Variants in OPCML observed in about 807,000 individuals in gnomAD.
OPCML encodes opioid binding protein/cell adhesion molecule like.
Under a neutral mutation model 37.8 loss-of-function variants are expected in OPCML, and 13 were observed. That is an observed-to-expected ratio of 0.34 (90% CI 0.22 to 0.55). The LOEUF is 0.55. Among genes scored for constraint, OPCML ranks in the 20% least tolerant of loss-of-function variants. The pLI is 0.91. For missense variants in OPCML, 341 were observed against 435.6 expected (o/e 0.78, Z 1.93); for synonymous variants, 176 against 168.8 (o/e 1.04, Z -0.33).
At chr11:133,155,119 G>A (rs185495543) in intron 1 of OPCML, among the ~76,000 whole-genome samples, 1 of 152,278 alleles carries the variant, frequency 6.6e-6, no homozygotes, top group Admixed American at 6.5e-5. Flanking sequence ...ACTGGAGGAG[G>A]AGGAGGAAAT....
chr11:133,364,086 G>A (rs191773881), intron 1 of OPCML, among the ~76,000 whole-genome samples: 1 of 152,238 alleles, frequency 6.6e-6, no homozygotes, highest in African/African-American at 2.4e-5. Flanking sequence ...CAGCTCCAAC[G>A]TCCCCTTTTC....
intron 1 of OPCML, among the ~76,000 whole-genome samples, chr11:133,147,470 C>T (rs149674630): frequency 2.6e-5 from 4 of 152,236 alleles, no homozygotes; most frequent in African/African-American, 9.6e-5. Context: ...CAGGAAGACT[C>T]TACCCTCTGA....
At chr11:133,102,562 C>T (rs1438468027) in intron 1 of OPCML, among the ~76,000 whole-genome samples, 1 of 152,116 alleles carries the variant, frequency 6.6e-6, no homozygotes, top group Non-Finnish European at 1.5e-5. Context: ...TCCTAGCTAA[C>T]ATGGTGAAAC....
chr11:132,911,694 G>A (rs943666753), intron 2 of OPCML, among the ~76,000 whole-genome samples: 3 of 152,186 alleles, frequency 2.0e-5, no homozygotes, highest in South Asian at 2.1e-4. Flanking sequence ...AGCCTCTTTA[G>A]CACAAGGCCA....
chr11:133,388,698 T>G (rs1462855976), intron 1 of OPCML, among the ~76,000 whole-genome samples: 1 of 152,200 alleles, frequency 6.6e-6, no homozygotes, highest in African/African-American at 2.4e-5. Flanking sequence ...TTTCAGTGAA[T>G]TCCATTGCCC....
At chr11:132,428,538 G>A (rs1285276151) in intron 7 of OPCML, among the ~76,000 whole-genome samples, 1 of 152,192 alleles carries the variant, frequency 6.6e-6, no homozygotes, top group Non-Finnish European at 1.5e-5. Context: ...GGGCATCATT[G>A]AGCAGAGTCC....
intron 2 of OPCML, among the ~76,000 whole-genome samples, chr11:132,768,161 C>T (rs952396524): frequency 7.9e-5 from 12 of 152,266 alleles, no homozygotes; most frequent in African/African-American, 2.2e-4. Context: ...TTTCTTGTAA[C>T]AAGGTACCTG....
At chr11:132,702,758 CT>C (rs1943879409) in intron 2 of OPCML, among the ~76,000 whole-genome samples, 1 of 149,936 alleles carries the variant, frequency 6.7e-6, no homozygotes. Context: ...CTTTTTTTTT[CT>C]TTTTGTTCCT....
intron 3 of OPCML, among the ~76,000 whole-genome samples, chr11:132,539,525 CTGCTGCTGA>C (rs1319036118): frequency 3.3e-5 from 5 of 151,974 alleles, no homozygotes; most frequent in African/African-American, 1.2e-4. Context: ...GCTGCTGCTG[CTGCTGCTGA>C]TGATGATGAT....
At chr11:132,446,796 C>A (rs563359036) in intron 4 of OPCML, among the ~76,000 whole-genome samples, 12 of 151,816 alleles carry the variant, frequency 7.9e-5, no homozygotes, top group African/African-American at 2.9e-4. Context: ...TTTTAGAAAC[C>A]TGATCAATGC....
chr11:132,776,647 C>A (rs983686838), intron 2 of OPCML, among the ~76,000 whole-genome samples: 1 of 152,094 alleles, frequency 6.6e-6, no homozygotes, highest in Non-Finnish European at 1.5e-5. Context: ...AGTGGAAGCT[C>A]CCTGAGGCCT....
chr11:132,528,323 G>A (rs1034625477), intron 4 of OPCML, among the ~76,000 whole-genome samples: 23 of 152,156 alleles, frequency 1.5e-4, no homozygotes, highest in African/African-American at 5.6e-4. Context: ...TTTAATGCCT[G>A]AGGAAGCTCT....
intron 1 of OPCML, among the ~76,000 whole-genome samples, chr11:133,090,478 G>T (rs189882353): frequency 6.6e-6 from 1 of 152,192 alleles, no homozygotes; most frequent in Non-Finnish European, 1.5e-5. Flanking sequence ...AATATTGGTA[G>T]AAATATAGAT....
intron 4 of OPCML, among the ~76,000 whole-genome samples, chr11:132,501,390 C>G (rs986254112): frequency 5.3e-5 from 8 of 152,172 alleles, no homozygotes; most frequent in African/African-American, 9.7e-5. Flanking sequence ...TGGGATGGTT[C>G]CCTTTATCTA....
intron 2 of OPCML, among the ~76,000 whole-genome samples, chr11:132,700,811 G>A (rs996906490): frequency 1.3e-5 from 2 of 152,140 alleles, no homozygotes; most frequent in East Asian, 3.9e-4. Flanking sequence ...TTGGCTTACA[G>A]CGTTGTTAAA....
chr11:132,719,541 G>T (rs933672751), intron 2 of OPCML, among the ~76,000 whole-genome samples: 8 of 152,168 alleles, frequency 5.3e-5, no homozygotes, highest in African/African-American at 1.7e-4. Flanking sequence ...AGACCAGGAT[G>T]TCTGTGTGCT....
chr11:132,434,148 A>AT (rs2096006007), intron 7 of OPCML, among the ~76,000 whole-genome samples: 1 of 152,058 alleles, frequency 6.6e-6, no homozygotes, highest in African/African-American at 2.4e-5. Flanking sequence ...AAGTGACTCA[A>AT]TCCCACCCTA....
intron 1 of OPCML, chr11:133,006,101 C>A: frequency 1.0e-6 from 1 of 985,366 alleles, no homozygotes; most frequent in Non-Finnish European, 1.2e-6. Flanking sequence ...GGGTTTCTGG[C>A]ATGGGGTCAT....
intron 1 of OPCML, among the ~76,000 whole-genome samples, chr11:133,357,379 C>T (rs574445085): frequency 2.0e-5 from 3 of 152,302 alleles, no homozygotes; most frequent in Admixed American, 6.5e-5. Context: ...ATATGTGGAA[C>T]GTACATGGCA....
Sources: allele counts gnomAD v4.1 joint callset (sites outside exome capture counted in the v4.1 genomes callset), GRCh38; gene constraint gnomAD v4.1.1; transcripts MANE v1.5; gene names NCBI Gene and HGNC (gene_info 2026-07-23, HGNC 2026-07-21).